RNF19A: variants seen among roughly 807,000 people sequenced by gnomAD.
The protein encoded by RNF19A is E3 ubiquitin-protein ligase RNF19A.
RNF19A carries 32 observed loss-of-function variants against 75.7 expected under a neutral mutation model. That is an observed-to-expected ratio of 0.42 (90% CI 0.32 to 0.57). The LOEUF (loss-of-function observed/expected upper bound fraction) is 0.57. RNF19A is among the 20% of genes least tolerant of loss of function. The probability of loss-of-function intolerance (pLI) is 0.10; values close to 1 mark genes in which losing one functional copy is unlikely to be tolerated. For missense variants in RNF19A, 782 were observed against 1,036.3 expected (o/e 0.75, Z 3.37); for synonymous variants, 335 against 345.2 (o/e 0.97, Z 0.33).
chr8:100,286,341 T>TA (rs1365030819), intron 2 of RNF19A, among the ~76,000 whole-genome samples: 5 of 152,210 alleles, frequency 3.3e-5, no homozygotes, highest in African/African-American at 1.2e-4. Context: ...ATCTATATTA[T>TA]AGTACAAGCT....
rs958740073 is a variant in RNF19A, at chr8:100,275,538, C to T, written c.675-377G>A. On this transcript the variant is annotated intron_variant, in intron 2 of 9. Coordinates refer to ENST00000341084, the MANE Select transcript of RNF19A (RefSeq NM_183419.4). This position sits in a 1 kb window ranked among gnomAD's most constrained non-coding sequence, Gnocchi z 4.3. ...ACACAGTACCTGACAGGCAGTTTTTCAACTCTCGCCCCTCTCCCTCAACTT... is the reference window on the plus strand; with the variant it reads ...ACACAGTACCTGACAGGCAGTTTTTTAACTCTCGCCCCTCTCCCTCAACTT... Among the ~76,000 whole-genome samples the T allele has an allele frequency of 6.6e-6, 1 of 151,672 alleles. No homozygotes were observed. The highest frequency in any genetic ancestry group is 1.5e-5 in the Non-Finnish European group (1 of 67,948).
chr8:100,316,567 A>G (rs1586696892), intron 1 of RNF19A, among the ~76,000 whole-genome samples: 2 of 152,164 alleles, frequency 1.3e-5, no homozygotes, highest in South Asian at 4.1e-4. Context: ...GCCCCACCAG[A>G]GCAGCTAGAT....
chr8:100,259,040 A>T lies in RNF19A; in HGVS notation c.2033T>A (p.Leu678Gln). Reference sequence around the variant, plus strand: ...TATCTTCATGTTACCCTTTTTCCTCAGTTTACCACTTTTTGATTTTTTCCC... The same window carrying T: ...TATCTTCATGTTACCCTTTTTCCTCTGTTTACCACTTTTTGATTTTTTCCC... ...TAGKKSKSGKLRKKGNMKINE... is the reference protein window; with the variant it reads ...TAGKKSKSGKQRKKGNMKINE... Residue 678 changes from leucine (L) to glutamine (Q), a missense_variant, in exon 10 of 10, where the codon CTG becomes CAG. Coordinates refer to ENST00000341084, the MANE Select transcript of RNF19A (RefSeq NM_183419.4). This position sits in a 1 kb window ranked among gnomAD's most constrained non-coding sequence, Gnocchi z 4.5. The T allele has an allele frequency of 6.2e-7, 1 of 1,613,992 alleles. No individual in the cohort carries two copies. The highest frequency in any genetic ancestry group is 8.5e-7 in the Non-Finnish European group (1 of 1,179,988).
At chr8:100,277,524 G>C (rs989341949) in intron 2 of RNF19A, among the ~76,000 whole-genome samples, 1 of 152,152 alleles carries the variant, frequency 6.6e-6, no homozygotes, top group East Asian at 1.9e-4. Context: ...GTGTTAGCCA[G>C]GATGGTCTTG....
In RNF19A at chr8:100,264,508, T is replaced by C. The variant is rs955085066; in HGVS notation, c.1306+163A>G. The stretch of plus-strand genomic sequence containing the variant: ...TATCAGCCACTAACAATTTACCAAC[T>C]ACTTTAAGGCTAGGCTCTTGAATCT... On this transcript the variant is annotated intron_variant, in intron 6 of 9. Transcript: ENST00000341084. This position sits in a 1 kb window ranked among gnomAD's most constrained non-coding sequence, Gnocchi z 4.7. 41 of 602,964 alleles carry C rather than the reference T, an allele frequency of 6.8e-5. No individual in the cohort carries two copies. The East Asian group carries it at 1.1e-3, about 17-fold the overall frequency. The allele number at this position is 602,964 out of a possible 1,614,324, so 37.4% of individuals were successfully genotyped here.
At chr8:100,316,809 T>A (rs1168474604) in intron 1 of RNF19A, among the ~76,000 whole-genome samples, 3 of 152,220 alleles carry the variant, frequency 2.0e-5, no homozygotes, top group Non-Finnish European at 4.4e-5. Flanking sequence ...TGGGATTGGC[T>A]GCCGTGGAGC....
At chr8:100,316,533 G>A (rs750261039) in intron 1 of RNF19A, among the ~76,000 whole-genome samples, 3 of 152,148 alleles carry the variant, frequency 2.0e-5, no homozygotes, top group Non-Finnish European at 4.4e-5. Context: ...TAGATACAGA[G>A]TATCAACACA....
At chr8:100,274,733 T>C (rs775145015) in intron 3 of RNF19A, among the ~76,000 whole-genome samples, 10 of 152,176 alleles carry the variant, frequency 6.6e-5, no homozygotes, top group Admixed American at 6.5e-5. Context: ...CTATCAGTTA[T>C]ATAAATCATC....
At chr8:100,270,138 CCTG>C (rs1216101960) in intron 3 of RNF19A, 125 bp from the exon 4 acceptor site, 4 of 715,622 alleles carry the variant, frequency 5.6e-6, no homozygotes, top group African/African-American at 1.8e-5. Context: ...ATAGCTTCAG[CCTG>C]CTGTTTTTAG....
chr8:100,327,577 T>C (rs1822552543), intron 1 of RNF19A, among the ~76,000 whole-genome samples: 1 of 152,200 alleles, frequency 6.6e-6, no homozygotes, highest in Admixed American at 6.5e-5. Context: ...TGCTACTTAC[T>C]GCATCAGTTC....
chr8:100,265,656 C>T (rs1415853805), intron 5 of RNF19A, among the ~76,000 whole-genome samples: 6 of 152,090 alleles, frequency 3.9e-5, no homozygotes, highest in East Asian at 1.9e-4. Flanking sequence ...ACAGATGGGA[C>T]TTATAAAATA....
chr8:100,299,850 T>C (rs1273095355), intron 1 of RNF19A, among the ~76,000 whole-genome samples: 1 of 152,218 alleles, frequency 6.6e-6, no homozygotes, highest in Non-Finnish European at 1.5e-5. Context: ...CCATACAAAT[T>C]ATTGATAACA....
chr8:100,312,961 T>G (rs908930762), upstream of RNF19A, among the ~76,000 whole-genome samples: 3 of 152,044 alleles, frequency 2.0e-5, no homozygotes, highest in African/African-American at 7.2e-5. Context: ...AATAAATACA[T>G]AACCTCTTTC....
chr8:100,306,172 C>A (rs1165837307), intron 1 of RNF19A, among the ~76,000 whole-genome samples: 1 of 152,158 alleles, frequency 6.6e-6, no homozygotes, highest in Non-Finnish European at 1.5e-5. Flanking sequence ...GCTAAGTATA[C>A]ATAATTTCAT....
At position 100,269,762 on chromosome 8, in the gene RNF19A, A is replaced by G. The variant is rs1820164349; in HGVS notation, c.1028+107T>C. ...CTTTTAAATTTATTTAACTAGAATA[A>G]AACCAATCCCTTTAAGTATCTTATA... On this transcript the variant is annotated intron_variant, in intron 4 of 9. Transcript: ENST00000341084. The surrounding 1 kb of genome is among the most constrained non-coding windows in gnomAD (Gnocchi z 5.7). 1.3e-6 allele frequency: 1 copy of G among 752,420 alleles called. No individual in the cohort carries two copies. Among genetic ancestry groups the G allele is most frequent in the Non-Finnish European group, 2.0e-6 (1 of 509,942 alleles). The allele number at this position is 752,420 out of a possible 1,614,324, so 46.6% of individuals were successfully genotyped here.
At chr8:100,291,672 C>T (rs1821301820) in intron 1 of RNF19A, among the ~76,000 whole-genome samples, 1 of 152,208 alleles carries the variant, frequency 6.6e-6, no homozygotes, top group Non-Finnish European at 1.5e-5. Context: ...AAAACACTTA[C>T]TTCCCAAGAG....
In RNF19A at chr8:100,331,878, T is replaced by A. The variant is rs1822617664; in HGVS notation, c.-243+4230A>T. On this transcript the variant is annotated intron_variant, in intron 1 of 3. Transcript: ENST00000519527. This position sits in a 1 kb window ranked among gnomAD's most constrained non-coding sequence, Gnocchi z 5.2. ...CACAGTACTAACCTTTGCACCCTGC[T>A]TTTTTACTCAAGAATATATCTTGGA... 2.0e-5 allele frequency among the ~76,000 whole-genome samples: 3 copies of A among 152,168 alleles called. No individual in the cohort carries two copies. The highest frequency in any genetic ancestry group is 7.2e-5 in the African/African-American group (3 of 41,444).
intron 2 of RNF19A, among the ~76,000 whole-genome samples, chr8:100,276,723 C>CAAAA (rs60419107): frequency 1.2e-5 from 1 of 80,594 alleles, no homozygotes; most frequent in East Asian, 3.3e-4. Context: ...ACCACTGTAC[C>CAAAA]AAAAAAAAAA....
rs1339245776 is a variant in RNF19A, at chr8:100,264,108, CCTG to C, written c.1391_1393del (p.Ala464del). ...TTCAATCCTAACTCCTTTTCCATTG[CCTG>C]CTGAGACTCCACAACCTCCGCTTCG... is the stretch of plus-strand genomic sequence containing the variant. On this transcript the variant is annotated inframe_deletion, in exon 7 of 10. Transcript: ENST00000341084. This position sits in a 1 kb window ranked among gnomAD's most constrained non-coding sequence, Gnocchi z 4.7. 3.7e-6 allele frequency: 6 copies of C among 1,613,656 alleles called. No individual in the cohort carries two copies. Among genetic ancestry groups the C allele is most frequent in the Non-Finnish European group, 5.1e-6 (6 of 1,179,770 alleles).
Sources: allele counts gnomAD v4.1 joint callset (sites outside exome capture counted in the v4.1 genomes callset), GRCh38; gene constraint gnomAD v4.1.1; non-coding constraint Gnocchi (gnomAD v3.1); transcripts MANE v1.5; gene names NCBI Gene and HGNC (gene_info 2026-07-23, HGNC 2026-07-21).